Variants in ATP6V1G1 observed in about 807,000 individuals in gnomAD.
The protein encoded by ATP6V1G1 is V-type proton ATPase subunit G 1.
ATP6V1G1 carries 14 observed loss-of-function variants against 14.2 expected under a neutral mutation model. The observed-to-expected ratio is 0.99, with a 90% CI of 0.65 to 1.55. ATP6V1G1 has a LOEUF of 1.55. Ranked by LOEUF, ATP6V1G1 falls within the 40% of genes most tolerant of loss-of-function variation. The probability of loss-of-function intolerance (pLI) is 0.00; values close to 1 mark genes in which losing one functional copy is unlikely to be tolerated. For missense variants in ATP6V1G1, 137 were observed against 146.4 expected, an observed-to-expected ratio of 0.94 and a Z score of 0.33; for synonymous variants, 65 against 53.3, an observed-to-expected ratio of 1.22 and a Z score of -0.96.
At chr9:114,596,140 G>A (rs1428452349) in intron 2 of ATP6V1G1, among the ~76,000 whole-genome samples, 1 of 152,010 alleles carries the variant, frequency 6.6e-6, no homozygotes, top group African/African-American at 2.4e-5. Context: ...GTAATAAAAA[G>A]GGGCAGGCTG....
intron 2 of ATP6V1G1, 164 bp downstream of exon 2, chr9:114,592,816 T>G: frequency 1.4e-6 from 1 of 690,228 alleles, no homozygotes; most frequent in South Asian, 2.0e-5. Context: ...GGATGATCAG[T>G]TTTTCCATTC....
intron 1 of ATP6V1G1, among the ~76,000 whole-genome samples, chr9:114,591,313 G>T (rs1845179869): frequency 6.6e-6 from 1 of 152,222 alleles, no homozygotes; most frequent in South Asian, 2.1e-4. Context: ...ATAAATGCAG[G>T]GAGCCATGGG....
At chr9:114,588,155 C>G (rs903472031) in intron 1 of ATP6V1G1, 1 of 570,662 alleles carries the variant, frequency 1.8e-6, no homozygotes, top group African/African-American at 1.9e-5. Context: ...GGTTACCGTC[C>G]TTGGGGCCTG....
Position 114,598,006 on chromosome 9 carries a change from T to G in ATP6V1G1, c.*263T>G. ...GTCTTTTTTTCCTATGTCTTTTGGCTCAAGCAACATGTATATCAGTGTTGA... is the reference window on the plus strand; with the variant it reads ...GTCTTTTTTTCCTATGTCTTTTGGCGCAAGCAACATGTATATCAGTGTTGA... On this transcript the variant is annotated 3_prime_UTR_variant, in exon 3 of 3. Transcript: ENST00000374050. 1 of 220,350 alleles carries G rather than the reference T, an allele frequency of 4.5e-6. No individual in the cohort carries two copies. Among genetic ancestry groups the G allele is most frequent in the Admixed American group, 5.8e-5 (1 of 17,250 alleles). 13.6% of individuals were successfully genotyped at this position (220,350 alleles called of 1,614,324 possible).
At chr9:114,588,956 T>G (rs536460776) in intron 1 of ATP6V1G1, among the ~76,000 whole-genome samples, 12 of 152,348 alleles carry the variant, frequency 7.9e-5, no homozygotes, top group African/African-American at 2.9e-4. Context: ...GGCCTGGTGC[T>G]TTCCTCCAGC....
At chr9:114,595,964 C>T (rs775895516) in intron 2 of ATP6V1G1, among the ~76,000 whole-genome samples, 17 of 152,066 alleles carry the variant, frequency 1.1e-4, no homozygotes, top group Non-Finnish European at 2.2e-4. Flanking sequence ...AAAAAAGTTA[C>T]GTCTTCCAGA....
intron 1 of ATP6V1G1, 55 bp from the exon 2 acceptor site, chr9:114,592,497 G>C: frequency 6.7e-7 from 1 of 1,483,418 alleles, no homozygotes; most frequent in Non-Finnish European, 9.1e-7. Flanking sequence ...TCTTGTCTCT[G>C]CTTGCTTTTC....
In ATP6V1G1 at chr9:114,592,580, A is replaced by G. The variant is rs150952974; in HGVS notation, c.111A>G (p.Lys37=). Residue 37 remains lysine, a synonymous_variant, in exon 2 of 3, where the codon AAA becomes AAG. Coordinates refer to ENST00000374050, the MANE Select transcript of ATP6V1G1 (RefSeq NM_004888.4). Reference sequence around the variant, plus strand: ...AGAACCGGAGGCTGAAGCAGGCCAAAGAAGAAGCTCAGGCTGAAATTGAAC... The same window carrying G: ...AGAACCGGAGGCTGAAGCAGGCCAAGGAAGAAGCTCAGGCTGAAATTGAAC... The part of the protein sequence containing the change: ...KRKNRRLKQA[K]EEAQAEIEQY... 48 of 1,570,976 alleles carry G rather than the reference A, an allele frequency of 3.1e-5. No individual in the cohort carries two copies. The African/African-American group carries it at 5.8e-4, about 19-fold the overall frequency.
rs1215753954 is a variant in ATP6V1G1, at chr9:114,597,842, A to G, written c.*99A>G. On this transcript the variant is annotated 3_prime_UTR_variant, in exon 3 of 3. Transcript: ENST00000374050. ...TTACATTCTTATGATATGGCATTAA[A>G]TTATTTCCATATATTATATAATAGG... The G allele has an allele frequency of 2.3e-5, 25 of 1,107,600 alleles. No homozygotes were observed. The highest frequency in any genetic ancestry group is 2.7e-5 in the Non-Finnish European group (23 of 850,656). 68.6% of individuals were successfully genotyped at this position (1,107,600 alleles called of 1,614,324 possible). A position where few individuals can be genotyped will look rare whatever the true frequency, so the allele number is the denominator to read the frequency against.
chr9:114,589,029 C>T (rs998287794), intron 1 of ATP6V1G1, among the ~76,000 whole-genome samples: 2 of 152,178 alleles, frequency 1.3e-5, no homozygotes, highest in Admixed American at 6.5e-5. Context: ...GGTTTTTGCA[C>T]ACGCTGTTTC....
Position 114,597,743 on chromosome 9 carries a change from G to A in ATP6V1G1, c.357G>A (p.Ter119=), listed in dbSNP as rs141529529. 2.3e-4 allele frequency: 368 copies of A among 1,573,830 alleles called. No individual in the cohort carries two copies. The African/African-American group carries it at 4.4e-3, about 19-fold the overall frequency. Residue 119 remains the stop codon, a stop_retained_variant, in exon 3 of 3, where the codon TAG becomes TAA. Coordinates refer to ENST00000374050, the MANE Select transcript of ATP6V1G1 (RefSeq NM_004888.4). ...EIHENYRING[*] is the part of the protein sequence containing the mutation. ...ATGAAAACTACCGCATAAATGGATA[G>A]AAGAGAGAAGCACCTGTGCTGTGGA...
rs756598486 is a variant in ATP6V1G1, at chr9:114,597,621, GAGA to G, written c.239_241del (p.Lys80del). The G allele has an allele frequency of 2.5e-6, 4 of 1,582,412 alleles. No individual in the cohort carries two copies. In the African/African-American group the frequency reaches 4.1e-5, roughly 16 times the overall value. On this transcript the variant is annotated inframe_deletion, in exon 3 of 3. Transcript: ENST00000374050. ...CACTGAAGTGGAGAAGGAGACCCAG[GAGA>G]AGATGACCATCCTCCAGACATACTT...
intron 2 of ATP6V1G1, among the ~76,000 whole-genome samples, chr9:114,597,038 T>G (rs553763229): frequency 6.9e-6 from 1 of 144,330 alleles, no homozygotes; most frequent in South Asian, 2.3e-4. Flanking sequence ...TCGCCCAGGC[T>G]GGAGTGCAGT....
chr9:114,587,807 C>A lies in ATP6V1G1; in HGVS notation c.-32C>A. The A allele has an allele frequency of 6.4e-7, 1 of 1,563,994 alleles. No homozygotes were observed. Among genetic ancestry groups the A allele is most frequent in the African/African-American group, 1.4e-5 (1 of 74,010 alleles). On this transcript the variant is annotated 5_prime_UTR_variant, in exon 1 of 3. Coordinates refer to ENST00000374050, the MANE Select transcript of ATP6V1G1 (RefSeq NM_004888.4). ...CAAGGGGCCTTCGAGGTGCCTTAGG[C>A]CGCTTGCCTTGCTCTCAGAATCGCT...
In ATP6V1G1 at chr9:114,592,662, C is replaced by T. The variant is rs547366971; in HGVS notation, c.183+10C>T. On this transcript the variant is annotated intron_variant, in intron 2 of 2. Coordinates refer to ENST00000374050, the MANE Select transcript of ATP6V1G1 (RefSeq NM_004888.4). Reference sequence around the variant, plus strand: ...GGCCAAGGAAGCTGCGGTGGGGCACCATTTGTTTTTGTTACTGCTTTAGTT... The same window carrying T: ...GGCCAAGGAAGCTGCGGTGGGGCACTATTTGTTTTTGTTACTGCTTTAGTT... The T allele has an allele frequency of 1.9e-6, 3 of 1,564,646 alleles. No individual in the cohort carries two copies. The highest frequency in any genetic ancestry group is 1.9e-5 in the Admixed American group (1 of 52,890).
At chr9:114,589,814 A>G (rs1222338984) in intron 1 of ATP6V1G1, among the ~76,000 whole-genome samples, 3 of 152,184 alleles carry the variant, frequency 2.0e-5, no homozygotes, top group Non-Finnish European at 4.4e-5. Context: ...TGAGTGCCCT[A>G]GCCAGGTAGG....
In ATP6V1G1 at chr9:114,594,379, C is replaced by CT. The variant is rs770844786; in HGVS notation, c.183+1742dup. Among the ~76,000 whole-genome samples, 1,285 of 140,724 alleles carry CT rather than the reference C, an allele frequency of 9.1e-3. 29 individuals carry two copies. Among genetic ancestry groups the CT allele is most frequent in the South Asian group, 0.076 (325 of 4,276 alleles). 92.3% of individuals were successfully genotyped at this position (140,724 alleles called of 152,430 possible). Reference sequence around the variant, plus strand: ...CCACCGCGCCCAGCGCCCCCCGCCCCTTTTTTTTTTTTTTTCCTGTCCGAG... The same window carrying CT: ...CCACCGCGCCCAGCGCCCCCCGCCCCTTTTTTTTTTTTTTTTCCTGTCCGAG... On this transcript the variant is annotated intron_variant, in intron 2 of 2. Coordinates refer to ENST00000374050, the MANE Select transcript of ATP6V1G1 (RefSeq NM_004888.4).
chr9:114,595,843 A>T (rs1403826302), intron 2 of ATP6V1G1, among the ~76,000 whole-genome samples: 1 of 151,634 alleles, frequency 6.6e-6, no homozygotes, highest in Non-Finnish European at 1.5e-5. Context: ...TAATGGAGAG[A>T]CTCCTTTGCA....
Position 114,587,809 on chromosome 9 carries a change from G to T in ATP6V1G1, c.-30G>T, listed in dbSNP as rs779049198. ...AGGGGCCTTCGAGGTGCCTTAGGCC[G>T]CTTGCCTTGCTCTCAGAATCGCTGC... On this transcript the variant is annotated 5_prime_UTR_variant, in exon 1 of 3. Transcript: ENST00000374050. 1 of 1,565,632 alleles carries T rather than the reference G, an allele frequency of 6.4e-7. No homozygotes were observed. The highest frequency in any genetic ancestry group is 1.2e-5 in the South Asian group (1 of 85,010).
Sources: allele counts gnomAD v4.1 joint callset (sites outside exome capture counted in the v4.1 genomes callset), GRCh38; gene constraint gnomAD v4.1.1; transcripts MANE v1.5; gene names NCBI Gene and HGNC (gene_info 2026-07-23, HGNC 2026-07-21).